Variants in AKAP12 observed in about 807,000 individuals in gnomAD.
The protein encoded by AKAP12 is A-kinase anchor protein 12.
In AKAP12, 32 loss-of-function variants were observed where a neutral mutation model predicts 79.9. That is an observed-to-expected ratio of 0.40 (90% CI 0.30 to 0.54). The LOEUF is 0.54. Among genes scored for constraint, AKAP12 ranks in the 20% least tolerant of loss-of-function variants. The pLI is 0.48. For missense variants in AKAP12, 2,074 were observed against 2,177.0 expected (o/e 0.95, Z 0.94); for synonymous variants, 808 against 857.0 (o/e 0.94, Z 1.00).
chr6:151,343,505 C>T (rs185057502), intron 3 of AKAP12, among the ~76,000 whole-genome samples: 4 of 152,272 alleles, frequency 2.6e-5, no homozygotes, highest in Admixed American at 6.5e-5. Context: ...TTGTGACCGC[C>T]AGGCACGGTG....
chr6:151,338,147 G>A (rs1021997885), intron 3 of AKAP12, among the ~76,000 whole-genome samples: 2 of 152,156 alleles, frequency 1.3e-5, no homozygotes, highest in Non-Finnish European at 2.9e-5. Flanking sequence ...CATAACCACA[G>A]TACAGTTATT....
chr6:151,290,530 C>CT (rs2114735944), intron 2 of AKAP12, among the ~76,000 whole-genome samples: 1 of 152,252 alleles, frequency 6.6e-6, no homozygotes, highest in Non-Finnish European at 1.5e-5. Context: ...GTTACGACTC[C>CT]TTGAAGACCT....
At chr6:151,250,857 C>G (rs945257603) in intron 2 of AKAP12, among the ~76,000 whole-genome samples, 4 of 152,016 alleles carry the variant, frequency 2.6e-5, no homozygotes, top group Middle Eastern at 3.2e-3. Context: ...CCACCCGCCT[C>G]GGCCTCCCAA....
At chr6:151,327,104 C>T (rs1056590040) in intron 3 of AKAP12, among the ~76,000 whole-genome samples, 6 of 147,662 alleles carry the variant, frequency 4.1e-5, no homozygotes, top group South Asian at 2.2e-4. Context: ...CGTGAGCCAC[C>T]GCACCTGGCC....
Position 151,358,052 on chromosome 6 carries a change from G to T in AKAP12, c.*2338G>T, listed in dbSNP as rs1176705118. ...TGTGCCCAGAGTTACTTCTGTACAA[G>T]CTCTGTATCTATGTCCGTTGAGAAC... On this transcript the variant is annotated 3_prime_UTR_variant, in exon 5 of 5. Coordinates refer to ENST00000402676, the MANE Select transcript of AKAP12 (RefSeq NM_005100.4). 1 of 152,150 alleles carries T rather than the reference G, an allele frequency of 6.6e-6. No homozygotes were observed. The highest frequency in any genetic ancestry group is 1.5e-5 in the Non-Finnish European group (1 of 68,052). The allele number at this position is 152,150 out of a possible 1,614,324, so 9.4% of individuals were successfully genotyped here. A position where few individuals can be genotyped will look rare whatever the true frequency, so the allele number is the denominator to read the frequency against.
At chr6:151,330,138 C>T (rs998798522) in intron 3 of AKAP12, among the ~76,000 whole-genome samples, 19 of 152,208 alleles carry the variant, frequency 1.2e-4, no homozygotes, top group Middle Eastern at 3.4e-3. Context: ...GCATGGTCAA[C>T]GTAGGGGAGA....
chr6:151,310,662 A>G (rs1483538835), intron 3 of AKAP12, among the ~76,000 whole-genome samples: 1 of 152,144 alleles, frequency 6.6e-6, no homozygotes, highest in Non-Finnish European at 1.5e-5. Context: ...TTCCCCGAAC[A>G]GTTGAGGAAA....
chr6:151,347,474 T>C (rs995037138), intron 3 of AKAP12, among the ~76,000 whole-genome samples: 2 of 152,238 alleles, frequency 1.3e-5, no homozygotes, highest in African/African-American at 4.8e-5. Flanking sequence ...CCATCTTACA[T>C]TGCAACAGAA....
chr6:151,305,852 G>C lies in AKAP12; in HGVS notation c.268G>C (p.Gly90Arg), dbSNP rs145291472. The C allele has an allele frequency of 6.6e-5, 106 of 1,613,752 alleles. No homozygotes were observed. The African/African-American group carries it at 1.3e-3, about 20-fold the overall frequency. ...DLNGQKGALN[G>R]QGALNSQEEE... ...AAATGGCCAGAAAGGAGCCCTGAAC[G>C]GTCAAGGAGCCCTAAACAGCCAGGA... Residue 90 changes from glycine (G) to arginine (R), a missense_variant, in exon 3 of 5, where the codon GGT becomes CGT. Around this residue, in one of 3 missense-constraint regions of AKAP12, gnomAD observed 1,428 missense variants for 1,451.0 expected, o/e 0.98. Coordinates refer to ENST00000402676, the MANE Select transcript of AKAP12 (RefSeq NM_005100.4).
rs569713597 is a variant in AKAP12 at position 151,341,648 on chromosome 6, G to C, written c.320-7063G>C. 7 of 1,081,200 alleles carry C rather than the reference G, an allele frequency of 6.5e-6. No individual in the cohort carries two copies. The East Asian group carries it at 5.8e-4, about 90-fold the overall frequency. The allele number at this position is 1,081,200 out of a possible 1,614,324, so 67.0% of individuals were successfully genotyped here. On this transcript the variant is annotated intron_variant, in intron 3 of 4. Transcript: ENST00000402676. ...CGGCTGTTGGGCTGCCCCTGCCGGC[G>C]GGCTGCGCGCGCCATGCCCTGGTGG...
chr6:151,328,025 G>A (rs1777570768), intron 3 of AKAP12, among the ~76,000 whole-genome samples: 1 of 152,166 alleles, frequency 6.6e-6, no homozygotes. Context: ...AGCCATGAGA[G>A]CTTTAAAAAT....
At chr6:151,285,876 A>G (rs1189868673) in intron 2 of AKAP12, among the ~76,000 whole-genome samples, 1 of 129,010 alleles carries the variant, frequency 7.8e-6, no homozygotes, top group East Asian at 2.1e-4. Flanking sequence ...TCTGGAGGTG[A>G]TAATTTTTTT....
intron 3 of AKAP12, among the ~76,000 whole-genome samples, chr6:151,337,372 GGGCGTCGC>G (rs1777841281): frequency 6.6e-6 from 1 of 151,686 alleles, no homozygotes; most frequent in Non-Finnish European, 1.5e-5. Context: ...AAAATTAGCC[GGGCGTCGC>G]GGCGGGCGCC....
At chr6:151,332,876 G>A (rs1181570663) in intron 3 of AKAP12, among the ~76,000 whole-genome samples, 2 of 152,212 alleles carry the variant, frequency 1.3e-5, no homozygotes, top group Non-Finnish European at 2.9e-5. Flanking sequence ...CAGTGAGTAC[G>A]TGAGCACCAC....
chr6:151,334,245 G>A (rs1777753647), intron 3 of AKAP12, among the ~76,000 whole-genome samples: 1 of 152,170 alleles, frequency 6.6e-6, no homozygotes, highest in African/African-American at 2.4e-5. Flanking sequence ...GTTGATGCAG[G>A]AAGTCAGGGT....
In AKAP12 at chr6:151,351,879, T is replaced by C. The variant is rs565397335; in HGVS notation, c.3488T>C (p.Val1163Ala). The change falls in exon 4 of 5, where the codon GTG (valine) becomes GCG (alanine). Residue 1163 changes from valine (V) to alanine (A), a missense_variant. Transcript: ENST00000402676. This position sits in a 1 kb window ranked among gnomAD's most constrained non-coding sequence, Gnocchi z 4.4. Reference protein sequence around the residue: ...VMEQAIPPDSVETPTDSETDG... With the variant: ...VMEQAIPPDSAETPTDSETDG... ...GAACAGGCTATCCCCCCTGACTCGG[T>C]GGAAACCCCTACAGACAGTGAGACT... The C allele has an allele frequency of 1.1e-5, 18 of 1,613,858 alleles. No individual in the cohort carries two copies. The highest frequency in any genetic ancestry group is 1.5e-5 in the Non-Finnish European group (18 of 1,179,970).
intron 3 of AKAP12, among the ~76,000 whole-genome samples, chr6:151,320,809 T>C (rs1562737423): frequency 6.6e-6 from 1 of 152,144 alleles, no homozygotes; most frequent in Non-Finnish European, 1.5e-5. Flanking sequence ...TGGCTCCCTA[T>C]AGTCTTCAGA....
At chr6:151,274,039 A>C (rs1030522174) in intron 2 of AKAP12, among the ~76,000 whole-genome samples, 1 of 148,984 alleles carries the variant, frequency 6.7e-6, no homozygotes, top group African/African-American at 2.5e-5. Context: ...AAAAACAAAA[A>C]CAAAAAAGAA....
chr6:151,329,659 G>A (rs956104745), intron 3 of AKAP12, among the ~76,000 whole-genome samples: 4 of 152,180 alleles, frequency 2.6e-5, no homozygotes, highest in East Asian at 1.9e-4. Context: ...TTTCACATCT[G>A]CTATGGAGAC....
Sources: allele counts gnomAD v4.1 joint callset (sites outside exome capture counted in the v4.1 genomes callset), GRCh38; gene constraint gnomAD v4.1.1; regional missense constraint gnomAD v4.1.1; non-coding constraint Gnocchi (gnomAD v3.1); transcripts MANE v1.5; gene names NCBI Gene and HGNC (gene_info 2026-07-23, HGNC 2026-07-21).